The following SPOCK3 variants were observed in gnomAD, a reference collection of about 807,000 sequenced individuals.
The protein encoded by SPOCK3 is testican-3.
A neutral mutation model predicts 56.6 loss-of-function variants in SPOCK3; 30 were observed. That is an observed-to-expected ratio of 0.53 (90% CI 0.40 to 0.72). SPOCK3 has a LOEUF of 0.72. Ranked by LOEUF, SPOCK3 falls within the 30% of genes least tolerant of loss-of-function variation. The pLI is 0.00. For synonymous variants in SPOCK3, 196 were observed against 183.3 expected (o/e 1.07, Z -0.56); for missense variants, 527 against 530.0 (o/e 0.99, Z 0.06).
chr4:166,991,486 C>T lies in SPOCK3; in HGVS notation c.350+8863G>A, dbSNP rs1747784132. Among the ~76,000 whole-genome samples, 4 of 152,114 alleles carry T rather than the reference C, an allele frequency of 2.6e-5. No individual in the cohort carries two copies. The South Asian group carries it at 8.3e-4, about 32-fold the overall frequency. On this transcript the variant is annotated intron_variant, in intron 4 of 10. Transcript: ENST00000357545. ...CCTGGCTCAGTGATTTCTCGTGCCT[C>T]AGCCTCCTGAGCAGCTGGGATTACA...
In SPOCK3 at chr4:166,830,961, G is replaced by A. The variant is rs1257441526; in HGVS notation, c.590-38672C>T. 3.3e-5 allele frequency among the ~76,000 whole-genome samples: 5 copies of A among 152,000 alleles called. No individual in the cohort carries two copies. In the East Asian group the frequency reaches 9.7e-4, roughly 29 times the overall value. On this transcript the variant is annotated intron_variant, in intron 6 of 10. Coordinates refer to ENST00000357545, the MANE Select transcript of SPOCK3 (RefSeq NM_001040159.2). ...CTAATCTTGAAATGAGGTGATGTGA[G>A]CCCTCCAGCACTTTTTTTTTCAAAA...
intron 3 of SPOCK3, among the ~76,000 whole-genome samples, chr4:167,002,087 T>A (rs1749003647): frequency 6.6e-6 from 1 of 152,010 alleles, no homozygotes; most frequent in Non-Finnish European, 1.5e-5. Flanking sequence ...GCCTCCCAAG[T>A]TGCTGGGACT....
intron 7 of SPOCK3, among the ~76,000 whole-genome samples, chr4:166,754,951 G>A (rs1358502986): frequency 6.6e-6 from 1 of 151,558 alleles, no homozygotes; most frequent in Admixed American, 6.6e-5. Flanking sequence ...GAAAGCATTT[G>A]GTACTAATTA....
At position 166,790,749 on chromosome 4, in the gene SPOCK3, G is replaced by C. The variant is rs141237277; in HGVS notation, c.709+1421C>G. On this transcript the variant is annotated intron_variant, in intron 7 of 10. Transcript: ENST00000357545. The stretch of plus-strand genomic sequence containing the variant: ...TATCTATCTCCATATCTGGAAGTGC[G>C]CATCAGTCTGAACTCAAGCTTAGGT... Among the ~76,000 whole-genome samples the C allele has an allele frequency of 4.6e-5, 7 of 152,270 alleles. No homozygotes were observed. In the South Asian group the frequency reaches 1.4e-3, roughly 32 times the overall value.
At chr4:166,814,773 G>A (rs773955832) in intron 6 of SPOCK3, among the ~76,000 whole-genome samples, 9 of 151,948 alleles carry the variant, frequency 5.9e-5, no homozygotes, top group Middle Eastern at 3.2e-3. Context: ...CTGGGACTTC[G>A]CCTTGTGATT....
chr4:166,982,805 C>A (rs1379246943), intron 4 of SPOCK3, among the ~76,000 whole-genome samples: 1 of 152,022 alleles, frequency 6.6e-6, no homozygotes, highest in Non-Finnish European at 1.5e-5. Flanking sequence ...TATTTTTAGA[C>A]CATTTATTAA....
At chr4:166,909,391 C>A (rs1737002748) in intron 5 of SPOCK3, among the ~76,000 whole-genome samples, 1 of 152,040 alleles carries the variant, frequency 6.6e-6, no homozygotes, top group African/African-American at 2.4e-5. Context: ...AGCTCCTGCA[C>A]CTGACCTCAC....
At chr4:167,035,760 C>T (rs1383340915) in intron 3 of SPOCK3, among the ~76,000 whole-genome samples, 1 of 152,126 alleles carries the variant, frequency 6.6e-6, no homozygotes, top group African/African-American at 2.4e-5. Flanking sequence ...CCTTCATTCT[C>T]ATCCTAAAAG....
intron 2 of SPOCK3, among the ~76,000 whole-genome samples, chr4:167,094,995 G>T (rs1364143616): frequency 1.3e-5 from 2 of 152,004 alleles, no homozygotes; most frequent in East Asian, 3.9e-4. Flanking sequence ...AAGTTTGAAG[G>T]CAGAGAAAGA....
intron 4 of SPOCK3, among the ~76,000 whole-genome samples, chr4:166,957,543 ACTC>A (rs931321159): frequency 1.3e-5 from 2 of 151,726 alleles, no homozygotes; most frequent in African/African-American, 4.8e-5. Context: ...GCCATCTTTG[ACTC>A]CTCTTTATTT....
At chr4:167,059,989 C>G (rs1755403191) in intron 3 of SPOCK3, among the ~76,000 whole-genome samples, 1 of 145,658 alleles carries the variant, frequency 6.9e-6, no homozygotes, top group African/African-American at 2.5e-5. Context: ...ACATCTCACT[C>G]TGGGACTGTT....
chr4:167,187,536 G>A (rs1436306833), intron 2 of SPOCK3, among the ~76,000 whole-genome samples: 1 of 151,740 alleles, frequency 6.6e-6, no homozygotes, highest in African/African-American at 2.4e-5. Context: ...AACTACTGCT[G>A]GGCATTAGAG....
At chr4:166,909,250 A>G (rs1446070901) in intron 5 of SPOCK3, among the ~76,000 whole-genome samples, 1 of 151,626 alleles carries the variant, frequency 6.6e-6, no homozygotes, top group Non-Finnish European at 1.5e-5. Flanking sequence ...GAACTCAAAT[A>G]AAATAATTAT....
At chr4:167,190,917 G>T (rs1178216341) in intron 2 of SPOCK3, among the ~76,000 whole-genome samples, 2 of 145,338 alleles carry the variant, frequency 1.4e-5, no homozygotes, top group African/African-American at 2.6e-5. Flanking sequence ...TTTGACAAAG[G>T]TTAGTCTACC....
At chr4:167,157,245 C>T (rs1764889163) in intron 2 of SPOCK3, among the ~76,000 whole-genome samples, 1 of 151,972 alleles carries the variant, frequency 6.6e-6, no homozygotes, top group African/African-American at 2.4e-5. Flanking sequence ...ACCAGCTCTA[C>T]AAAGATTGTA....
At chr4:167,058,664 T>C (rs1397982991) in intron 3 of SPOCK3, among the ~76,000 whole-genome samples, 1 of 152,100 alleles carries the variant, frequency 6.6e-6, no homozygotes, top group East Asian at 1.9e-4. Flanking sequence ...AAAGTTCATA[T>C]GGAACCAAAA....
intron 2 of SPOCK3, among the ~76,000 whole-genome samples, chr4:167,153,031 T>C (rs981051863): frequency 6.6e-6 from 1 of 152,206 alleles, no homozygotes; most frequent in African/African-American, 2.4e-5. Context: ...TTAGATGCTA[T>C]GCTAAGCTCT....
chr4:167,005,901 G>T (rs1398484484), intron 3 of SPOCK3, among the ~76,000 whole-genome samples: 2 of 152,084 alleles, frequency 1.3e-5, no homozygotes, highest in African/African-American at 4.8e-5. Context: ...ATTTTTAATT[G>T]CAGGGTGGTA....
chr4:166,866,335 A>T (rs1731838815), intron 6 of SPOCK3, among the ~76,000 whole-genome samples: 1 of 152,222 alleles, frequency 6.6e-6, no homozygotes, highest in Admixed American at 6.5e-5. Flanking sequence ...ACCCTAGAAG[A>T]AAACCTAGGC....
Sources: gnomAD v4.1 joint callset for allele counts (sites outside exome capture counted in the v4.1 genomes callset) on GRCh38, gnomAD v4.1.1 for gene constraint, MANE v1.5 for transcripts, NCBI Gene and HGNC (gene_info 2026-07-23, HGNC 2026-07-21) for gene names.